Variants in CD36 observed in about 807,000 individuals in gnomAD.
CD36 encodes the protein CD36 molecule (CD36 blood group).
In CD36, 119 loss-of-function variants were observed where a neutral mutation model predicts 55.2. The ratio of observed to expected loss-of-function variants is 2.15; its 90% confidence interval spans 1.86 to 2.51. CD36 has a LOEUF of 2.51. Among genes scored for constraint, CD36 ranks in the 30% most tolerant of loss-of-function variants. The pLI is 0.00. For missense variants in CD36, 819 were observed against 555.5 expected, an observed-to-expected ratio of 1.47 and a Z score of -4.77; for synonymous variants, 186 against 193.6, an observed-to-expected ratio of 0.96 and a Z score of 0.33.
chr7:80,642,492 TTTCTC>T (rs1290250562), intron 1 of CD36, among the ~76,000 whole-genome samples: 4 of 152,116 alleles, frequency 2.6e-5, no homozygotes, highest in Admixed American at 6.6e-5. Context: ...AACATGAACT[TTTCTC>T]TTTTGTATTT....
chr7:80,673,410 GTTTGTA>G lies in CD36; in HGVS notation c.1254+6_1254+11del, dbSNP rs755784348. On this transcript the variant is annotated splice_donor_variant and splice_donor_5th_base_variant and intron_variant, in intron 13 of 14. Transcript: ENST00000447544. LOFTEE classifies it high-confidence loss of function. Reference sequence around the variant, plus strand: ...TGTGCCTATTCTTTGGCTTAATGAGGTTTGTATTTGCAGCTGTTAGTCATTAAAAAC... The same window carrying G: ...TGTGCCTATTCTTTGGCTTAATGAGGTTTGCAGCTGTTAGTCATTAAAAAC... 2.6e-6 allele frequency: 4 copies of G among 1,557,570 alleles called. No individual in the cohort carries two copies. The East Asian group carries it at 6.8e-5, about 26-fold the overall frequency.
chr7:80,605,038 A>G lies in CD36; in HGVS notation c.-184+2659A>G, dbSNP rs139482365. 4.0e-3 allele frequency among the ~76,000 whole-genome samples: 610 copies of G among 152,240 alleles called. 5 individuals carry two copies. The highest frequency in any genetic ancestry group is 0.014 in the African/African-American group (575 of 41,544). On this transcript the variant is annotated intron_variant, in intron 1 of 13. Coordinates refer to the CD36 transcript ENST00000309881. Reference sequence around the variant, plus strand: ...TTCTGGTCAGTTTTAGAAGTGAAGTAATAAAAATTAGTGTGTTCAATACAA... The same window carrying G: ...TTCTGGTCAGTTTTAGAAGTGAAGTGATAAAAATTAGTGTGTTCAATACAA...
chr7:80,660,559 C>A (rs930755274), intron 4 of CD36, among the ~76,000 whole-genome samples: 4 of 152,120 alleles, frequency 2.6e-5, no homozygotes, highest in Non-Finnish European at 5.9e-5. Context: ...TGTTTGAGAT[C>A]TTACTTGTTT....
At chr7:80,621,999 T>A (rs1466570852) in intron 1 of CD36, among the ~76,000 whole-genome samples, 1 of 152,200 alleles carries the variant, frequency 6.6e-6, no homozygotes, top group African/African-American at 2.4e-5. Context: ...CTTTCCAAAT[T>A]GGTTTTTCAC....
At position 80,678,008 on chromosome 7, in the gene CD36, G is replaced by A. The variant is rs1247463257; in HGVS notation, c.*1625G>A. ...AAGACAATTCATATACAAAGACAAC[G>A]AGATTAAAAATATGCAGTAGGAAAA... On this transcript the variant is annotated 3_prime_UTR_variant, in exon 15 of 15. Transcript: ENST00000447544. 2.6e-5 allele frequency: 4 copies of A among 152,034 alleles called. No homozygotes were observed. Among genetic ancestry groups the A allele is most frequent in the South Asian group, 4.2e-4 (2 of 4,816 alleles). 9.4% of individuals were successfully genotyped at this position (152,034 alleles called of 1,614,324 possible). A position where few individuals can be genotyped will look rare whatever the true frequency, so the allele number is the denominator to read the frequency against.
intron 1 of CD36, among the ~76,000 whole-genome samples, chr7:80,612,343 G>T (rs1030913302): frequency 1.3e-5 from 2 of 152,106 alleles, no homozygotes; most frequent in Non-Finnish European, 2.9e-5. Flanking sequence ...AATTGTTTGG[G>T]GGCATTTATT....
Position 80,678,362 on chromosome 7 carries a change from A to G in CD36, c.*1979A>G, listed in dbSNP as rs1229591726. 6.6e-6 allele frequency: 1 copy of G among 152,212 alleles called. No individual in the cohort carries two copies. The highest frequency in any genetic ancestry group is 1.5e-5 in the Non-Finnish European group (1 of 68,042). The allele number at this position is 152,212 out of a possible 1,614,324, so 9.4% of individuals were successfully genotyped here. The stretch of plus-strand genomic sequence containing the variant: ...TATTCATAACTTAAGTTTGAAAATC[A>G]ATAGCGTCTGCAAATGGATTAACAG... On this transcript the variant is annotated 3_prime_UTR_variant, in exon 15 of 15. Coordinates refer to ENST00000447544, the MANE Select transcript of CD36 (RefSeq NM_001001548.3).
At chr7:80,673,578 C>A (rs905083943) in intron 13 of CD36, 169 bp downstream of exon 13, 2 of 582,384 alleles carry the variant, frequency 3.4e-6, no homozygotes, top group South Asian at 4.6e-5. Context: ...TGAACAAAAA[C>A]ATTTCCTATC....
At chr7:80,663,230 T>C in intron 6 of CD36, 61 bp downstream of exon 6, 1 of 1,352,094 alleles carries the variant, frequency 7.4e-7, no homozygotes, top group Non-Finnish European at 1.1e-6. Context: ...TCAATGGCAT[T>C]GGCAAGGCAT....
intron 13 of CD36, chr7:80,673,686 T>C (rs1797954107): frequency 8.9e-6 from 5 of 559,854 alleles, no homozygotes; most frequent in East Asian, 3.0e-5. Flanking sequence ...TATAAATCCA[T>C]GCATTGATAG....
At chr7:80,669,309 T>C (rs868829920) in intron 8 of CD36, among the ~76,000 whole-genome samples, 1 of 152,208 alleles carries the variant, frequency 6.6e-6, no homozygotes, top group Non-Finnish European at 1.5e-5. Context: ...AAAATCTGGC[T>C]AGTATGATTT....
chr7:80,663,188 T>C lies in CD36; in HGVS notation c.609+19T>C, dbSNP rs1200492181. On this transcript the variant is annotated intron_variant, in intron 6 of 14. Coordinates refer to ENST00000447544, the MANE Select transcript of CD36 (RefSeq NM_001001548.3). ...TTATCCTGTAAGTACCAAATATGAA[T>C]GGCAATATTATTACATTTTAATTTA... 1.3e-6 allele frequency: 2 copies of C among 1,586,268 alleles called. No individual in the cohort carries two copies. The highest frequency in any genetic ancestry group is 1.3e-5 in the African/African-American group (1 of 74,364).
chr7:80,607,277 G>T (rs779381946), intron 1 of CD36, among the ~76,000 whole-genome samples: 14 of 152,114 alleles, frequency 9.2e-5, no homozygotes, highest in Non-Finnish European at 1.2e-4. Flanking sequence ...TTGAAAAAAA[G>T]AAGAAAAAGA....
chr7:80,612,912 G>C (rs1057363703), intron 1 of CD36, among the ~76,000 whole-genome samples: 1 of 151,982 alleles, frequency 6.6e-6, no homozygotes, highest in Non-Finnish European at 1.5e-5. Context: ...CATAAGCTTT[G>C]CTTAAATAAA....
intron 14 of CD36, among the ~76,000 whole-genome samples, chr7:80,675,953 T>C (rs1168564097): frequency 7.7e-6 from 1 of 129,880 alleles, no homozygotes; most frequent in Non-Finnish European, 1.8e-5. Context: ...GCCTGGTGTG[T>C]GCTTGTCTTG....
chr7:80,635,941 TA>T (rs1425143260), upstream of CD36, among the ~76,000 whole-genome samples: 1 of 152,160 alleles, frequency 6.6e-6, no homozygotes, highest in Non-Finnish European at 1.5e-5. Context: ...TATTCTGTAC[TA>T]TAGGGGTTCA....
chr7:80,650,777 ATTTGTACTTTATT>A (rs1795541459), intron 3 of CD36, among the ~76,000 whole-genome samples: 1 of 152,072 alleles, frequency 6.6e-6, no homozygotes, highest in Admixed American at 6.6e-5. Context: ...TAGCAAGCTT[ATTTGTACTTTATT>A]TTTGCTCTTT....
At chr7:80,637,400 TATA>T (rs1483616949), upstream of CD36, among the ~76,000 whole-genome samples, 1 of 152,062 alleles carries the variant, frequency 6.6e-6, no homozygotes, top group Admixed American at 6.6e-5. Context: ...AAGCATAAAT[TATA>T]AAGAGATTGC....
At chr7:80,664,215 C>T (rs924244121) in intron 6 of CD36, among the ~76,000 whole-genome samples, 191 bp from the exon 7 acceptor site, 1 of 152,048 alleles carries the variant, frequency 6.6e-6, no homozygotes, top group Non-Finnish European at 1.5e-5. Context: ...TCTTCTTTGT[C>T]ACAGCATCTA....
Sources: allele counts gnomAD v4.1 joint callset (sites outside exome capture counted in the v4.1 genomes callset), GRCh38; gene constraint gnomAD v4.1.1; transcripts MANE v1.5; gene names NCBI Gene and HGNC (gene_info 2026-07-23, HGNC 2026-07-21).